STARD8: variants seen among roughly 807,000 people sequenced by gnomAD.
STARD8 encodes the protein StAR related lipid transfer domain containing 8.
A neutral mutation model predicts 69.4 loss-of-function variants in STARD8; 25 were observed. That is an observed-to-expected ratio of 0.36 (90% CI 0.26 to 0.50). STARD8 has a LOEUF of 0.50. Ranked by LOEUF, STARD8 falls within the 20% of genes least tolerant of loss-of-function variation. The pLI, the probability that STARD8 is intolerant of heterozygous loss-of-function variation, is 0.96. For missense variants in STARD8, 921 were observed against 932.5 expected, an observed-to-expected ratio of 0.99 and a Z score of 0.16; for synonymous variants, 389 against 374.6, an observed-to-expected ratio of 1.04 and a Z score of -0.45.
At position 68,653,544 on chromosome X, in the gene STARD8, ACAC is replaced by A. The variant is rs768630556; in HGVS notation, c.45+5621_45+5623del. Among the ~76,000 whole-genome samples the A allele has an allele frequency of 9.6e-4, 82 of 85,049 alleles. 1 individual carries two copies. The highest frequency in any genetic ancestry group is 3.6e-3 in the African/African-American group (77 of 21,404). The allele number at this position is 85,049 out of a possible 115,157, so 73.9% of individuals were successfully genotyped here. On this transcript the variant is annotated intron_variant, in intron 1 of 14. Coordinates refer to ENST00000374599, the MANE Select transcript of STARD8 (RefSeq NM_001142503.3). ...ACACCACACACACCACAGCACACACACACCACAGCACACATACACCACACACAC... is the reference window on the plus strand; with the variant it reads ...ACACCACACACACCACAGCACACACACACAGCACACATACACCACACACAC...
In STARD8 at chrX:68,724,606, G is replaced by T; in HGVS notation, c.*184G>T. On this transcript the variant is annotated 3_prime_UTR_variant, in exon 15 of 15. Transcript: ENST00000374599. Reference sequence around the variant, plus strand: ...TCTGCACATAGAGGGGAGAAAAAGAGAATTTAGGCAACTCCACTCCCCCTT... The same window carrying T: ...TCTGCACATAGAGGGGAGAAAAAGATAATTTAGGCAACTCCACTCCCCCTT... The T allele has an allele frequency of 2.4e-6, 1 of 411,552 alleles. No homozygotes were observed. The highest frequency in any genetic ancestry group is 4.2e-6 in the Non-Finnish European group (1 of 237,652). 33.9% of individuals were successfully genotyped at this position (411,552 alleles called of 1,213,427 possible). A position where few individuals can be genotyped will look rare whatever the true frequency, so the allele number is the denominator to read the frequency against.
intron 2 of STARD8, among the ~76,000 whole-genome samples, chrX:68,698,321 C>A (rs920341786): frequency 1.2e-4 from 13 of 110,904 alleles, no homozygotes; most frequent in Non-Finnish European, 1.9e-4. Context: ...AGTAGTTGAT[C>A]GCCTCATCTC....
At chrX:68,653,092 CCACACACACCACA>C (rs1930992095) in intron 1 of STARD8, among the ~76,000 whole-genome samples, 5 of 43,387 alleles carry the variant, frequency 1.2e-4, no homozygotes, top group East Asian at 1.4e-3. Flanking sequence ...ACACCACACA[CCACACACACCACA>C]CACACACACC....
intron 1 of STARD8, 68 bp downstream of exon 1, chrX:68,647,995 C>G (rs922198831): frequency 8.8e-7 from 1 of 1,134,743 alleles, no homozygotes; most frequent in African/African-American, 1.8e-5. Context: ...TGGACCACTG[C>G]GCACCAGCTG....
chrX:68,696,786 T>C (rs1362591146), intron 2 of STARD8, among the ~76,000 whole-genome samples: 2 of 111,937 alleles, frequency 1.8e-5, no homozygotes, highest in Non-Finnish European at 3.8e-5. Flanking sequence ...TGGTGCTAGG[T>C]CTTGTGGAGG....
intron 2 of STARD8, among the ~76,000 whole-genome samples, chrX:68,676,099 A>T (rs904470998): frequency 8.9e-6 from 1 of 112,733 alleles, no homozygotes; most frequent in African/African-American, 3.2e-5. Flanking sequence ...TGCCAAAAAT[A>T]TAATTGGTCT....
At chrX:68,719,092 C>T in intron 6 of STARD8, 133 bp from the exon 7 acceptor site, 1 of 813,663 alleles carries the variant, frequency 1.2e-6, no homozygotes. Flanking sequence ...TCAGCAGCAG[C>T]ACTAGAAAGT....
intron 4 of STARD8, 71 bp downstream of exon 4, chrX:68,715,446 C>T: frequency 1.1e-6 from 1 of 904,713 alleles, no homozygotes; most frequent in East Asian, 3.4e-5. Flanking sequence ...AAAAAAACAT[C>T]CCTTGTACCC....
At chrX:68,667,856 TC>T (rs1468503159) in intron 2 of STARD8, among the ~76,000 whole-genome samples, 1 of 110,464 alleles carries the variant, frequency 9.1e-6, no homozygotes, top group Non-Finnish European at 1.9e-5. Flanking sequence ...GTAAGAGGCT[TC>T]CCCTCTCCGA....
chrX:68,654,441 G>A (rs776786646), intron 1 of STARD8, among the ~76,000 whole-genome samples: 1 of 111,640 alleles, frequency 9.0e-6, no homozygotes, highest in Non-Finnish European at 1.9e-5. Flanking sequence ...ACAGACAGTC[G>A]TGTGGACTGG....
chrX:68,713,083 C>G (rs2080064653), intron 3 of STARD8, 98 bp downstream of exon 3: 1 of 881,646 alleles, frequency 1.1e-6, no homozygotes, highest in Non-Finnish European at 1.6e-6. Flanking sequence ...CAACTACACA[C>G]AAGCAGTGTC....
chrX:68,693,467 C>G (rs993495964), intron 2 of STARD8, among the ~76,000 whole-genome samples: 1 of 112,703 alleles, frequency 8.9e-6, no homozygotes, highest in Non-Finnish European at 1.9e-5. Flanking sequence ...GCGGTGTGAC[C>G]GGAGGGAAAG....
rs1473515390 is a variant in STARD8, at chrX:68,676,529, A to G, written c.79+10997A>G. Reference sequence around the variant, plus strand: ...AACTTGTGCAATCTCTGAGATTCTTAGGCTCCCCCCAAACCCCGTCTCAAC... The same window carrying G: ...AACTTGTGCAATCTCTGAGATTCTTGGGCTCCCCCCAAACCCCGTCTCAAC... On this transcript the variant is annotated intron_variant, in intron 2 of 14. Coordinates refer to ENST00000374599, the MANE Select transcript of STARD8 (RefSeq NM_001142503.3). Among the ~76,000 whole-genome samples, 13 of 112,041 alleles carry G rather than the reference A, an allele frequency of 1.2e-4. No individual in the cohort carries two copies. The South Asian group carries it at 4.9e-3, about 42-fold the overall frequency.
chrX:68,647,754 G>T lies in STARD8; in HGVS notation c.-129G>T. 1.2e-6 allele frequency: 1 copy of T among 860,761 alleles called. No individual in the cohort carries two copies. The highest frequency in any genetic ancestry group is 1.6e-6 in the Non-Finnish European group (1 of 628,226). 70.9% of individuals were successfully genotyped at this position (860,761 alleles called of 1,213,427 possible). On this transcript the variant is annotated 5_prime_UTR_variant, in exon 1 of 15. Coordinates refer to ENST00000374599, the MANE Select transcript of STARD8 (RefSeq NM_001142503.3). ...TCTCCGCCTCTCCCCTCGCGGGGCCGGCTCATGGAGCGCAGGGACCGGGCT... is the reference window on the plus strand; with the variant it reads ...TCTCCGCCTCTCCCCTCGCGGGGCCTGCTCATGGAGCGCAGGGACCGGGCT...
chrX:68,717,824 G>T lies in STARD8; in HGVS notation c.910G>T (p.Asp304Tyr). 2 of 1,211,253 alleles carry T rather than the reference G, an allele frequency of 1.7e-6. No homozygotes were observed. The highest frequency in any genetic ancestry group is 3.0e-5 in the East Asian group (1 of 33,776). The change falls in exon 6 of 15, where the codon GAC (aspartate) becomes TAC (tyrosine). Residue 304 changes from aspartate (D) to tyrosine (Y), a missense_variant. Transcript: ENST00000374599. ...TGATTGCCTGGTGCACGTTCCTGGG[G>T]ACCACAAACCAGGCACATTCCCTCG... ...RGDCLVHVPG[D>Y]HKPGTFPRSL...
At chrX:68,720,483 T>C (rs2080138837) in intron 8 of STARD8, 60 bp downstream of exon 8, 15 of 1,100,419 alleles carry the variant, frequency 1.4e-5, no homozygotes, top group African/African-American at 1.8e-5. Flanking sequence ...GTGGTGGGCA[T>C]TGGGCTGAAG....
At chrX:68,715,212 C>A in intron 3 of STARD8, 82 bp from the exon 4 acceptor site, 1 of 847,297 alleles carries the variant, frequency 1.2e-6, no homozygotes, top group Non-Finnish European at 1.7e-6. Flanking sequence ...CCTTCCTGGC[C>A]GTTCCCTTCC....
chrX:68,672,294 T>C (rs1489432808), intron 2 of STARD8, among the ~76,000 whole-genome samples: 1 of 111,781 alleles, frequency 8.9e-6, no homozygotes, highest in African/African-American at 3.3e-5. Context: ...GGAGAGATCT[T>C]ATAGCTCATA....
chrX:68,675,060 G>A (rs1442363169), intron 2 of STARD8, among the ~76,000 whole-genome samples: 2 of 108,648 alleles, frequency 1.8e-5, no homozygotes, highest in Non-Finnish European at 3.8e-5. Context: ...GGGTTCAAGC[G>A]ATTCTCCTGC....
Sources: gnomAD v4.1 joint callset for allele counts (sites outside exome capture counted in the v4.1 genomes callset) on GRCh38, gnomAD v4.1.1 for gene constraint, MANE v1.5 for transcripts, NCBI Gene and HGNC (gene_info 2026-07-23, HGNC 2026-07-21) for gene names.